The following LAMA3 variants were observed in gnomAD, a reference collection of about 807,000 sequenced individuals.
LAMA3 encodes laminin subunit alpha 3.
Under a neutral mutation model 402.0 loss-of-function variants are expected in LAMA3, and 281 were observed. That is an observed-to-expected ratio of 0.70 (90% CI 0.63 to 0.77). LAMA3 has a LOEUF of 0.77. Ranked by LOEUF, LAMA3 falls within the 30% of genes least tolerant of loss-of-function variation. The pLI is 0.00. For missense variants in LAMA3, 3,840 were observed against 4,215.5 expected (o/e 0.91, Z 2.47); for synonymous variants, 1,431 against 1,558.4 (o/e 0.92, Z 1.93).
At chr18:23,753,591 C>T in intron 5 of LAMA3, 130 bp from the exon 6 acceptor site, 1 of 718,566 alleles carries the variant, frequency 1.4e-6, no homozygotes, top group African/African-American at 1.7e-5. Flanking sequence ...ATGTTACATC[C>T]CAATGTAGGG....
chr18:23,753,645 G>A (rs2061790881), intron 5 of LAMA3, 76 bp from the exon 6 acceptor site: 45 of 1,037,238 alleles, frequency 4.3e-5, no homozygotes, highest in Non-Finnish European at 6.4e-5. Context: ...GGCAGCAGAT[G>A]TGGGTTAAAG....
chr18:23,843,249 T>C (rs1199978211), intron 29 of LAMA3, among the ~76,000 whole-genome samples: 1 of 152,200 alleles, frequency 6.6e-6, no homozygotes, highest in African/African-American at 2.4e-5. Context: ...TGTGAGGTCA[T>C]CTCTGATCTT....
chr18:23,852,936 G>C (rs1372967455), intron 32 of LAMA3, among the ~76,000 whole-genome samples: 1 of 152,030 alleles, frequency 6.6e-6, no homozygotes, highest in Non-Finnish European at 1.5e-5. Context: ...AAGGATTTTT[G>C]TGTTAAAAGT....
intron 15 of LAMA3, 120 bp downstream of exon 15, chr18:23,814,622 T>G: frequency 1.4e-6 from 1 of 714,040 alleles, no homozygotes; most frequent in Non-Finnish European, 2.5e-6. Context: ...CAAGATTCTA[T>G]GTAATGTTCT....
At chr18:23,862,451 G>A (rs982691425) in intron 35 of LAMA3, among the ~76,000 whole-genome samples, 2 of 152,134 alleles carry the variant, frequency 1.3e-5, no homozygotes, top group African/African-American at 4.8e-5. Flanking sequence ...ACTTGCTAAC[G>A]GGTGGATTTC....
chr18:23,710,779 T>C (rs771973761), intron 1 of LAMA3, among the ~76,000 whole-genome samples: 1 of 152,166 alleles, frequency 6.6e-6, no homozygotes, highest in African/African-American at 2.4e-5. Flanking sequence ...CCTGACCGTT[T>C]AAGAGTAACT....
chr18:23,926,027 G>A (rs930314885), intron 62 of LAMA3, among the ~76,000 whole-genome samples: 1 of 152,190 alleles, frequency 6.6e-6, no homozygotes, highest in Non-Finnish European at 1.5e-5. Flanking sequence ...TATAGTATGG[G>A]CATAGTAGCT....
intron 2 of LAMA3, among the ~76,000 whole-genome samples, chr18:23,724,380 T>C (rs1028405860): frequency 3.3e-5 from 5 of 152,204 alleles, no homozygotes; most frequent in African/African-American, 1.2e-4. Context: ...TGATTTCTGG[T>C]AGAATCTGAG....
intron 65 of LAMA3, 29 bp from the exon 66 acceptor site, chr18:23,932,131 A>G: frequency 6.2e-7 from 1 of 1,613,158 alleles, no homozygotes; most frequent in African/African-American, 1.3e-5. Flanking sequence ...AGCAGTTCTC[A>G]CCCATGATTT....
rs775234328 is a variant in LAMA3 at position 23,931,247 on chromosome 18, C to G, written c.8576+46C>G. ...GTCAGAGCTGTGAGTGAGTTTTACT[C>G]TCTTTCGTTTAATGGAATTTTCTGG... is the stretch of plus-strand genomic sequence containing the variant. On this transcript the variant is annotated intron_variant, in intron 65 of 74. Transcript: ENST00000313654. 7 of 1,576,962 alleles carry G rather than the reference C, an allele frequency of 4.4e-6. No individual in the cohort carries two copies. In the South Asian group the frequency reaches 5.5e-5, roughly 12 times the overall value.
chr18:23,812,937 T>C, intron 13 of LAMA3, 120 bp from the exon 14 acceptor site: 1 of 717,192 alleles, frequency 1.4e-6, no homozygotes. Context: ...GCCACACATC[T>C]ATCGAAAATA....
rs771529307 is a variant in LAMA3, at chr18:23,858,802, T to G, written c.4395T>G (p.Cys1465Trp). The change falls in exon 34 of 75, where the codon TGT (cysteine) becomes TGG (tryptophan). Residue 1465 changes from cysteine to tryptophan, a missense_variant. Physicochemically the swap from Cys to Trp is radical, Grantham distance 215. This residue lies in a region of LAMA3 where 2,109 missense variants were observed against 2,376.0 expected (regional missense o/e 0.89). Transcript: ENST00000313654. ...TCTGTTTTGGAGTAAATAATCAATG[T>G]CACAGCTCACATAAGCGAAGGACTA... ...SCFCFGVNNQ[C>W]HSSHKRRTKF... is the part of the protein sequence containing the mutation. 1.9e-6 allele frequency: 3 copies of G among 1,614,078 alleles called. No homozygotes were observed. Among genetic ancestry groups the G allele is most frequent in the Non-Finnish European group, 2.5e-6 (3 of 1,180,014 alleles).
At chr18:23,847,897 G>A (rs957647281) in intron 32 of LAMA3, among the ~76,000 whole-genome samples, 3 of 152,232 alleles carry the variant, frequency 2.0e-5, no homozygotes, top group African/African-American at 4.8e-5. Context: ...TCTTGGGCCG[G>A]CAGCAGCCTT....
intron 8 of LAMA3, among the ~76,000 whole-genome samples, chr18:23,767,464 AT>A (rs2062098817): frequency 6.6e-6 from 1 of 152,188 alleles, no homozygotes; most frequent in Admixed American, 6.5e-5. Context: ...ACTTCAAACT[AT>A]ACAGAATACA....
intron 12 of LAMA3, among the ~76,000 whole-genome samples, chr18:23,790,792 A>G (rs538080971): frequency 1.3e-5 from 2 of 152,198 alleles, no homozygotes; most frequent in African/African-American, 4.8e-5. Context: ...TTTGAAGGGC[A>G]AGAAAGCACT....
At chr18:23,781,432 A>G (rs1326840209) in intron 11 of LAMA3, among the ~76,000 whole-genome samples, 2 of 152,336 alleles carry the variant, frequency 1.3e-5, no homozygotes, top group East Asian at 3.9e-4. Flanking sequence ...TGAACCTAAG[A>G]CAGATTAACA....
chr18:23,712,674 A>G (rs2061018160), intron 1 of LAMA3, among the ~76,000 whole-genome samples: 1 of 146,950 alleles, frequency 6.8e-6, no homozygotes, highest in African/African-American at 2.5e-5. Context: ...CCATGCATGA[A>G]AGAACCATGA....
At chr18:23,938,473 C>T (rs1283936686) in intron 67 of LAMA3, among the ~76,000 whole-genome samples, 1 of 152,200 alleles carries the variant, frequency 6.6e-6, no homozygotes, top group Non-Finnish European at 1.5e-5. Context: ...CAGTCCCATT[C>T]AAAAGTTCAA....
intron 5 of LAMA3, among the ~76,000 whole-genome samples, chr18:23,752,632 G>GT (rs2061773702): frequency 6.6e-6 from 1 of 152,146 alleles, no homozygotes; most frequent in Non-Finnish European, 1.5e-5. Flanking sequence ...GCCCCTGAGT[G>GT]TTAACTTGTC....
Sources: allele counts gnomAD v4.1 joint callset (sites outside exome capture counted in the v4.1 genomes callset), GRCh38; gene constraint gnomAD v4.1.1; regional missense constraint gnomAD v4.1.1; transcripts MANE v1.5; gene names NCBI Gene and HGNC (gene_info 2026-07-23, HGNC 2026-07-21).